WDR27: variants seen among roughly 807,000 people sequenced by gnomAD.
The protein encoded by WDR27 is WD repeat domain 27, also known as WD repeat-containing protein 27.
WDR27 carries 100 observed loss-of-function variants against 114.4 expected under a neutral mutation model. The observed-to-expected ratio is 0.87, with a 90% confidence interval of 0.74 to 1.03. The LOEUF (loss-of-function observed/expected upper bound fraction) is 1.03. WDR27 is among the 50% of genes least tolerant of loss of function. The probability of loss-of-function intolerance (pLI) is 0.00; values close to 1 mark genes in which losing one functional copy is unlikely to be tolerated. For missense variants in WDR27, 1,129 were observed against 1,092.9 expected (o/e 1.03, Z -0.47); for synonymous variants, 449 against 423.1 (o/e 1.06, Z -0.75).
intron 25 of WDR27, among the ~76,000 whole-genome samples, chr6:169,546,144 C>T (rs115412536): frequency 0.042 from 6,442 of 152,122 alleles, 292 homozygotes; most frequent in African/African-American, 0.13. Flanking sequence ...GGCAAGGACA[C>T]GAAGAAATGA....
At chr6:169,577,086 GAA>G (rs111868145) in intron 24 of WDR27, among the ~76,000 whole-genome samples, 1 of 144,498 alleles carries the variant, frequency 6.9e-6, no homozygotes. Context: ...AAAAGAAAAG[GAA>G]AAAAAAAAAA....
chr6:169,626,181 G>A (rs1814757484), intron 21 of WDR27, among the ~76,000 whole-genome samples: 1 of 152,182 alleles, frequency 6.6e-6, no homozygotes, highest in Non-Finnish European at 1.5e-5. Flanking sequence ...AAGCCCGCGG[G>A]GACAGCTGCT....
intron 25 of WDR27, among the ~76,000 whole-genome samples, chr6:169,560,347 C>T (rs1185815530): frequency 1.3e-5 from 2 of 152,226 alleles, no homozygotes; most frequent in African/African-American, 4.8e-5. Flanking sequence ...TCAAATTAAA[C>T]CTACTTTTCT....
intron 25 of WDR27, among the ~76,000 whole-genome samples, chr6:169,569,008 C>T (rs1024971233): frequency 6.6e-6 from 1 of 152,092 alleles, no homozygotes; most frequent in Middle Eastern, 3.2e-3. Context: ...GAGGAAGAGA[C>T]GCCGCCCACC....
intron 14 of WDR27, 93 bp from the exon 15 acceptor site, chr6:169,649,368 A>G: frequency 3.7e-6 from 4 of 1,083,310 alleles, no homozygotes; most frequent in South Asian, 1.4e-5. Context: ...AATTATATAC[A>G]TAGATATAGA....
At chr6:169,562,737 A>G (rs77631270) in intron 25 of WDR27, among the ~76,000 whole-genome samples, 1,588 of 152,312 alleles carry the variant, frequency 0.01, 26 homozygotes, top group African/African-American at 0.036. Context: ...AGGCTCAGGG[A>G]CATTTGAGAC....
intron 25 of WDR27, among the ~76,000 whole-genome samples, chr6:169,478,383 T>C (rs957280630): frequency 1.3e-5 from 2 of 152,332 alleles, no homozygotes; most frequent in African/African-American, 4.8e-5. Context: ...AAAATTCTTA[T>C]TGAGTAATAA....
At chr6:169,448,857 C>T in the WDR27 span, among the ~76,000 whole-genome samples, 1 of 152,178 alleles carries the variant, frequency 6.6e-6, no homozygotes, top group Non-Finnish European at 1.5e-5. Context: ...TAACCCATGT[C>T]CAGAGCAGAG....
the WDR27 span, among the ~76,000 whole-genome samples, chr6:169,445,855 C>T: frequency 6.6e-6 from 1 of 152,258 alleles, no homozygotes; most frequent in Non-Finnish European, 1.5e-5. Flanking sequence ...GCCGGTGACG[C>T]CTGGACCCCC....
intron 25 of WDR27, among the ~76,000 whole-genome samples, chr6:169,458,658 G>A (rs1385039842): frequency 6.6e-6 from 1 of 151,946 alleles, no homozygotes; most frequent in East Asian, 1.9e-4. Context: ...GTTGTGGCAG[G>A]CACCTGTAAT....
intron 25 of WDR27, among the ~76,000 whole-genome samples, chr6:169,511,037 A>C (rs1025755643): frequency 5.3e-5 from 8 of 152,216 alleles, no homozygotes; most frequent in Non-Finnish European, 8.8e-5. Context: ...AAGTTACAAG[A>C]AGCAGCAAGG....
chr6:169,457,973 C>CGGAGGA (rs148934854), intron 25 of WDR27, among the ~76,000 whole-genome samples: 2,107 of 111,734 alleles, frequency 0.019, 149 homozygotes, highest in African/African-American at 0.027. Context: ...GCACTCCTGA[C>CGGAGGA]GGAGGAGGAG....
chr6:169,464,511 T>A (rs1785298737), intron 25 of WDR27, among the ~76,000 whole-genome samples: 1 of 152,140 alleles, frequency 6.6e-6, no homozygotes, highest in Admixed American at 6.5e-5. Context: ...GCCCAGGCAA[T>A]CAGAGAAAAA....
In WDR27 at chr6:169,534,363, T is replaced by C. The variant is rs1795977856; in HGVS notation, c.2645+38056A>G. Among the ~76,000 whole-genome samples the C allele has an allele frequency of 2.0e-5, 3 of 152,330 alleles. No individual in the cohort carries two copies. The South Asian group carries it at 6.2e-4, about 32-fold the overall frequency. ...TCTTGGTTTTCTAATTTTTTTGATGTTTTTAATCTGGTTTTGGACTCAGGG... is the reference window on the plus strand; with the variant it reads ...TCTTGGTTTTCTAATTTTTTTGATGCTTTTAATCTGGTTTTGGACTCAGGG... On this transcript the variant is annotated intron_variant, in intron 25 of 25. Transcript: ENST00000448612.
intron 25 of WDR27, among the ~76,000 whole-genome samples, chr6:169,569,790 G>A (rs1391655235): frequency 6.6e-6 from 1 of 152,104 alleles, no homozygotes; most frequent in African/African-American, 2.4e-5. Flanking sequence ...TGTGGCTTTG[G>A]TGTATTTTGC....
the WDR27 span, among the ~76,000 whole-genome samples, chr6:169,438,197 G>A: frequency 9.3e-5 from 14 of 151,160 alleles, no homozygotes; most frequent in South Asian, 2.7e-3. Context: ...GTTGTTCTAC[G>A]CAACCAGGCA....
At chr6:169,695,216 G>T (rs1436696340) in intron 1 of WDR27, among the ~76,000 whole-genome samples, 1 of 152,150 alleles carries the variant, frequency 6.6e-6, no homozygotes, top group African/African-American at 2.4e-5. Context: ...TTAAACAAAT[G>T]GACACCACAT....
intron 13 of WDR27, among the ~76,000 whole-genome samples, chr6:169,655,469 T>C (rs1484878032): frequency 2.0e-5 from 3 of 152,218 alleles, no homozygotes; most frequent in Admixed American, 2.0e-4. Flanking sequence ...TAAACCGCAG[T>C]ATATCCAGAC....
intron 25 of WDR27, among the ~76,000 whole-genome samples, chr6:169,519,188 T>C (rs1044608546): frequency 2.0e-5 from 3 of 152,224 alleles, no homozygotes; most frequent in African/African-American, 4.8e-5. Flanking sequence ...TCTTTCTGTT[T>C]TCTTCTGAGC....
Sources: allele counts gnomAD v4.1 joint callset (sites outside exome capture counted in the v4.1 genomes callset), GRCh38; gene constraint gnomAD v4.1.1; transcripts MANE v1.5; gene names NCBI Gene and HGNC (gene_info 2026-07-23, HGNC 2026-07-21).